Variants in PDE7A observed in about 807,000 individuals in gnomAD.
PDE7A encodes high affinity 3',5'-cyclic-AMP phosphodiesterase 7A.
Under a neutral mutation model 64.3 loss-of-function variants are expected in PDE7A, and 39 were observed. That is an observed-to-expected ratio of 0.61 (90% confidence interval 0.47 to 0.79). The LOEUF is 0.79. PDE7A is among the 30% of genes least tolerant of loss of function. PDE7A has a pLI of 0.00. For missense variants in PDE7A, 470 were observed against 582.8 expected, an observed-to-expected ratio of 0.81 and a Z score of 1.99; for synonymous variants, 203 against 206.8, an observed-to-expected ratio of 0.98 and a Z score of 0.16.
intron 1 of PDE7A, among the ~76,000 whole-genome samples, chr8:65,827,532 A>G (rs955814818): frequency 6.6e-6 from 1 of 152,182 alleles, no homozygotes; most frequent in Non-Finnish European, 1.5e-5. Context: ...TTCATTTTTC[A>G]TTAAGAATGC....
intron 1 of PDE7A, among the ~76,000 whole-genome samples, chr8:65,798,119 C>A: frequency 1.4e-5 from 2 of 143,720 alleles, no homozygotes; most frequent in Admixed American, 6.9e-5. Flanking sequence ...AGAACTTGTA[C>A]CAAAAAAAGG....
chr8:65,790,964 C>T (rs930185895), intron 1 of PDE7A, among the ~76,000 whole-genome samples: 10 of 152,312 alleles, frequency 6.6e-5, no homozygotes, highest in African/African-American at 2.2e-4. Flanking sequence ...CGAGGTCATT[C>T]TCTGCCACTC....
intron 2 of PDE7A, among the ~76,000 whole-genome samples, chr8:65,782,236 G>A (rs185326053): frequency 6.6e-6 from 1 of 152,282 alleles, no homozygotes; most frequent in Admixed American, 6.5e-5. Flanking sequence ...CATGGATGAA[G>A]ACAGAAATCT....
intron 7 of PDE7A, among the ~76,000 whole-genome samples, chr8:65,734,472 A>G (rs1331912623): frequency 6.6e-6 from 1 of 152,160 alleles, no homozygotes; most frequent in Non-Finnish European, 1.5e-5. Flanking sequence ...GTAGCTCCTC[A>G]TTCATTCACT....
At chr8:65,832,298 T>C (rs188683593) in intron 1 of PDE7A, among the ~76,000 whole-genome samples, 75 of 152,116 alleles carry the variant, frequency 4.9e-4, no homozygotes, top group African/African-American at 1.7e-3. Context: ...AAAAATACTA[T>C]ACTACATAAT....
chr8:65,767,447 C>T (rs562553260), intron 3 of PDE7A, among the ~76,000 whole-genome samples: 1 of 152,302 alleles, frequency 6.6e-6, no homozygotes, highest in South Asian at 2.1e-4. Context: ...AGGCTAACTC[C>T]TATATCCCTT....
intron 1 of PDE7A, among the ~76,000 whole-genome samples, chr8:65,840,001 TA>T (rs902938658): frequency 2.0e-5 from 3 of 152,124 alleles, no homozygotes; most frequent in Non-Finnish European, 4.4e-5. Context: ...TATTTAGAAG[TA>T]AAAAAAGTTA....
At chr8:65,734,915 C>A in intron 6 of PDE7A, 21 bp from the exon 7 acceptor site, 1 of 1,464,964 alleles carries the variant, frequency 6.8e-7, no homozygotes. Flanking sequence ...GAAAGAGATC[C>A]CGATTTTATT....
intron 3 of PDE7A, 51 bp downstream of exon 3, chr8:65,779,669 A>G: frequency 1.1e-6 from 1 of 933,522 alleles, no homozygotes; most frequent in Non-Finnish European, 1.7e-6. Context: ...GTGTAATTTT[A>G]TTAAAATTTG....
intron 3 of PDE7A, chr8:65,770,882 T>C (rs1352252661): frequency 6.1e-6 from 1 of 164,170 alleles, no homozygotes; most frequent in Non-Finnish European, 1.4e-5. Flanking sequence ...TAGCATTGTT[T>C]CTTGTGTTTA....
chr8:65,790,918 A>T (rs773238828), intron 1 of PDE7A, among the ~76,000 whole-genome samples: 2 of 152,174 alleles, frequency 1.3e-5, no homozygotes, highest in Non-Finnish European at 2.9e-5. Flanking sequence ...ACTGGCGGTC[A>T]TCTGTAAGAG....
intron 4 of PDE7A, among the ~76,000 whole-genome samples, chr8:65,747,444 CTACTT>C (rs1391721364): frequency 1.3e-5 from 2 of 152,094 alleles, no homozygotes; most frequent in South Asian, 2.1e-4. Context: ...AACATTGTCA[CTACTT>C]TAGTTATTTC....
At chr8:65,783,922 G>A (rs1315786313) in intron 1 of PDE7A, among the ~76,000 whole-genome samples, 1 of 152,162 alleles carries the variant, frequency 6.6e-6, no homozygotes, top group Non-Finnish European at 1.5e-5. Context: ...TCTAAGCTCT[G>A]TGGAGGCAGG....
At position 65,735,168 on chromosome 8, in the gene PDE7A, A is replaced by C. The variant is rs535864904; in HGVS notation, c.596-274T>G. Among the ~76,000 whole-genome samples, 3 of 152,318 alleles carry C rather than the reference A, an allele frequency of 2.0e-5. No individual in the cohort carries two copies. The East Asian group carries it at 5.8e-4, about 29-fold the overall frequency. ...CAACCTACTTGACAGCCCTAGCAGC[A>C]TAACACACAAATCCAGTGGTCTCAA... is the stretch of plus-strand genomic sequence containing the variant. On this transcript the variant is annotated intron_variant, in intron 6 of 12. Coordinates refer to ENST00000401827, the MANE Select transcript of PDE7A (RefSeq NM_001242318.3).
chr8:65,818,388 T>C lies in PDE7A; in HGVS notation c.138+22983A>G, dbSNP rs114336810. Among the ~76,000 whole-genome samples, 892 of 152,356 alleles carry C rather than the reference T, an allele frequency of 5.9e-3. 9 individuals are homozygous for C. Among genetic ancestry groups the C allele is most frequent in the African/African-American group, 0.02 (844 of 41,586 alleles). ...TTTAGCATCATGATCAAGACAAATA[T>C]GTGGAATCTGTCTCCTCTGTTGTAC... is the stretch of plus-strand genomic sequence containing the variant. On this transcript the variant is annotated intron_variant, in intron 1 of 12. Coordinates refer to ENST00000401827, the MANE Select transcript of PDE7A (RefSeq NM_001242318.3).
At chr8:65,754,606 G>A (rs1585875670) in intron 3 of PDE7A, among the ~76,000 whole-genome samples, 1 of 150,978 alleles carries the variant, frequency 6.6e-6, no homozygotes, top group African/African-American at 2.4e-5. Context: ...AAAGTGCTGG[G>A]ATTACAGGCT....
intron 3 of PDE7A, among the ~76,000 whole-genome samples, chr8:65,755,677 T>C (rs1444119642): frequency 2.6e-5 from 4 of 152,190 alleles, no homozygotes; most frequent in Non-Finnish European, 5.9e-5. Context: ...ATAACACTGG[T>C]TTATATATTT....
chr8:65,788,998 A>T, intron 1 of PDE7A: 1 of 1,597,920 alleles, frequency 6.3e-7, no homozygotes, highest in Non-Finnish European at 8.6e-7. Context: ...AGCAAGGAAA[A>T]CTTCTTAGGA....
At chr8:65,782,891 CA>C (rs1179777055) in intron 1 of PDE7A, 48 bp from the exon 2 acceptor site, 11 of 1,046,294 alleles carry the variant, frequency 1.1e-5, no homozygotes, top group Admixed American at 7.9e-5. Flanking sequence ...AAATATGATA[CA>C]AAATTCAACT....
Sources: gnomAD v4.1 joint callset for allele counts (sites outside exome capture counted in the v4.1 genomes callset) on GRCh38, gnomAD v4.1.1 for gene constraint, MANE v1.5 for transcripts, NCBI Gene and HGNC (gene_info 2026-07-23, HGNC 2026-07-21) for gene names.